KCNH1: variants seen among roughly 807,000 people sequenced by gnomAD.
KCNH1 encodes potassium voltage-gated channel subfamily H member 1.
In KCNH1, 27 loss-of-function variants were observed where a neutral mutation model predicts 69.2. That is an observed-to-expected ratio of 0.39 (90% CI 0.29 to 0.54). The LOEUF (loss-of-function observed/expected upper bound fraction) is 0.54, where lower values mean the gene tolerates loss of function less well. Among genes scored for constraint, KCNH1 ranks in the 20% least tolerant of loss-of-function variants. The pLI, the probability that KCNH1 is intolerant of heterozygous loss-of-function variation, is 0.68. For synonymous variants in KCNH1, 456 were observed against 487.7 expected (o/e 0.93, Z 0.86); for missense variants, 798 against 1,261.6 (o/e 0.63, Z 5.57).
intron 6 of KCNH1, among the ~76,000 whole-genome samples, chr1:210,922,801 T>G (rs1687492451): frequency 6.6e-6 from 1 of 152,178 alleles, no homozygotes; most frequent in African/African-American, 2.4e-5. Context: ...AAAGTACCCA[T>G]AGCCTGCATG....
intron 7 of KCNH1, chr1:210,860,024 G>T (rs754593885): frequency 3.0e-5 from 47 of 1,563,860 alleles, no homozygotes; most frequent in Non-Finnish European, 4.1e-5. Context: ...ACTGGTCAAC[G>T]TGACGCCCTT....
At chr1:211,022,274 T>C (rs1196508799) in intron 5 of KCNH1, among the ~76,000 whole-genome samples, 2 of 152,202 alleles carry the variant, frequency 1.3e-5, no homozygotes, top group Non-Finnish European at 1.5e-5. Context: ...GATATCCATA[T>C]GCAGAAGAAT....
rs150213986 is a variant in KCNH1, at chr1:211,088,751, G to A, written c.439+1811C>T. On this transcript the variant is annotated intron_variant, in intron 4 of 10. Transcript: ENST00000271751. ...ACAAGTTACTCCTATTTATTTCACC[G>A]ACAAAAACAATTAATATCTGGTCCC... Among the ~76,000 whole-genome samples, 25 of 152,148 alleles carry A rather than the reference G, an allele frequency of 1.6e-4. No homozygotes were observed. In the East Asian group the frequency reaches 4.1e-3, roughly 25 times the overall value.
At chr1:210,894,776 G>T (rs1300091852) in intron 7 of KCNH1, among the ~76,000 whole-genome samples, 1 of 152,126 alleles carries the variant, frequency 6.6e-6, no homozygotes, top group Non-Finnish European at 1.5e-5. Context: ...CATCATGAAG[G>T]CCCTAACAAG....
intron 9 of KCNH1, among the ~76,000 whole-genome samples, chr1:210,792,338 G>A (rs566635303): frequency 2.6e-5 from 4 of 152,208 alleles, no homozygotes; most frequent in Middle Eastern, 3.4e-3. Flanking sequence ...ATCCCCACAA[G>A]ATAGTCTTAC....
chr1:211,107,379 T>C lies in KCNH1; in HGVS notation c.80-2A>G. 1 of 1,516,816 alleles carries C rather than the reference T, an allele frequency of 6.6e-7. No individual in the cohort carries two copies. The highest frequency in any genetic ancestry group is 8.8e-7 in the Non-Finnish European group (1 of 1,137,040). 94.0% of individuals were successfully genotyped at this position (1,516,816 alleles called of 1,614,324 possible). ...CATTCCCCAACACAAAATTAGTATC[T>C]GTTAAAAAAAAAAAAAAGGGAAAAA... On this transcript the variant is annotated splice_acceptor_variant, in intron 1 of 10. Coordinates refer to ENST00000271751, the MANE Select transcript of KCNH1 (RefSeq NM_172362.3). LOFTEE classifies it high-confidence loss of function.
chr1:210,798,608 A>G (rs1250418659), intron 8 of KCNH1, among the ~76,000 whole-genome samples: 1 of 152,190 alleles, frequency 6.6e-6, no homozygotes, highest in Non-Finnish European at 1.5e-5. Context: ...CCTGACTTAC[A>G]TCTGAAGAAG....
intron 10 of KCNH1, among the ~76,000 whole-genome samples, chr1:210,699,022 A>C (rs1681710517): frequency 6.6e-6 from 1 of 152,178 alleles, no homozygotes; most frequent in Non-Finnish European, 1.5e-5. Context: ...ACCCAAGTAA[A>C]GTGTATTTCT....
At chr1:210,978,313 C>T (rs1356288649) in intron 6 of KCNH1, among the ~76,000 whole-genome samples, 3 of 152,200 alleles carry the variant, frequency 2.0e-5, no homozygotes, top group African/African-American at 7.2e-5. Context: ...GCTGGGATTA[C>T]AGGCATGAGC....
intron 10 of KCNH1, among the ~76,000 whole-genome samples, chr1:210,699,057 C>G (rs756073920): frequency 1.1e-4 from 17 of 152,266 alleles, no homozygotes; most frequent in Non-Finnish European, 2.2e-4. Flanking sequence ...ACCTCACACT[C>G]TCTGTCCCCG....
At chr1:210,946,413 C>T (rs1574353752) in intron 6 of KCNH1, among the ~76,000 whole-genome samples, 1 of 152,126 alleles carries the variant, frequency 6.6e-6, no homozygotes, top group East Asian at 1.9e-4. Context: ...ATCAGAAATC[C>T]TTTCCCATTT....
chr1:210,926,074 C>A (rs1687567163), intron 6 of KCNH1, among the ~76,000 whole-genome samples: 1 of 152,200 alleles, frequency 6.6e-6, no homozygotes, highest in Non-Finnish European at 1.5e-5. Context: ...GCCTGGCCAA[C>A]ATGGTGAAAC....
At chr1:211,070,428 AAAACACACAC>A (rs1176269907) in intron 5 of KCNH1, among the ~76,000 whole-genome samples, 5 of 114,178 alleles carry the variant, frequency 4.4e-5, no homozygotes, top group African/African-American at 9.3e-5. Flanking sequence ...TAAAAAAAAA[AAAACACACAC>A]ACACACACAC....
At chr1:211,122,440 C>A (rs191127422) in intron 1 of KCNH1, among the ~76,000 whole-genome samples, 1 of 152,242 alleles carries the variant, frequency 6.6e-6, no homozygotes, top group Non-Finnish European at 1.5e-5. Context: ...GATCTAGAAC[C>A]AGAAATACTA....
intron 7 of KCNH1, among the ~76,000 whole-genome samples, chr1:210,899,239 CAT>C (rs1267011468): frequency 6.6e-6 from 1 of 152,074 alleles, no homozygotes; most frequent in Non-Finnish European, 1.5e-5. Flanking sequence ...CCAGAAACCA[CAT>C]AGTATGTAAT....
In KCNH1 at chr1:210,892,956, G is replaced by A. The variant is rs956991272; in HGVS notation, c.1462+26684C>T. Among the ~76,000 whole-genome samples the A allele has an allele frequency of 7.9e-5, 12 of 152,272 alleles. No homozygotes were observed. The East Asian group carries it at 9.7e-4, about 12-fold the overall frequency. On this transcript the variant is annotated intron_variant, in intron 7 of 10. Transcript: ENST00000271751. ...ATTATATTATCATGATAAATGCAAC[G>A]TAGGAGGTAATCACAGAGAGCCTTG...
chr1:210,922,409 A>AC (rs1558527162), intron 6 of KCNH1, among the ~76,000 whole-genome samples: 34 of 118,626 alleles, frequency 2.9e-4, no homozygotes, highest in South Asian at 1.1e-3. Flanking sequence ...AAAAAAAAAA[A>AC]AAAAAAAAAA....
At chr1:210,867,736 C>A (rs532676010) in intron 7 of KCNH1, among the ~76,000 whole-genome samples, 9 of 152,056 alleles carry the variant, frequency 5.9e-5, no homozygotes, top group Admixed American at 5.2e-4. Context: ...AAGTTTTGCC[C>A]TTTTCTATAA....
In KCNH1 at chr1:210,678,410, T is replaced by G. The variant is rs1681187193; in HGVS notation, c.*4871A>C. On this transcript the variant is annotated 3_prime_UTR_variant, in exon 11 of 11. Transcript: ENST00000271751. ...TAAAAATGTTGAGAAGGGAATATCA[T>G]CAATGGAAGGGCCTGCACGTTCCTC... 1 of 152,146 alleles carries G rather than the reference T, an allele frequency of 6.6e-6. No homozygotes were observed. The highest frequency in any genetic ancestry group is 1.5e-5 in the Non-Finnish European group (1 of 68,024). The allele number at this position is 152,146 out of a possible 1,614,324, so 9.4% of individuals were successfully genotyped here. A position where few individuals can be genotyped will look rare whatever the true frequency, so the allele number is the denominator to read the frequency against.
Sources: gnomAD v4.1 joint callset for allele counts (sites outside exome capture counted in the v4.1 genomes callset) on GRCh38, gnomAD v4.1.1 for gene constraint, MANE v1.5 for transcripts, NCBI Gene and HGNC (gene_info 2026-07-23, HGNC 2026-07-21) for gene names.